Variants in CENPP observed in about 807,000 individuals in gnomAD.
CENPP encodes centromere protein P.
Under a neutral mutation model 35.6 loss-of-function variants are expected in CENPP, and 24 were observed. The ratio of observed to expected loss-of-function variants is 0.67; its 90% confidence interval spans 0.49 to 0.95. The LOEUF is 0.95. Among genes scored for constraint, CENPP ranks in the 40% least tolerant of loss-of-function variants. The probability of loss-of-function intolerance (pLI) is 0.00; values close to 1 mark genes in which losing one functional copy is unlikely to be tolerated. For synonymous variants in CENPP, 120 were observed against 125.5 expected, an observed-to-expected ratio of 0.96 and a Z score of 0.29; for missense variants, 332 against 345.3, an observed-to-expected ratio of 0.96 and a Z score of 0.31.
At chr9:92,549,508 G>A (rs1273102301) in intron 5 of CENPP, among the ~76,000 whole-genome samples, 1 of 152,038 alleles carries the variant, frequency 6.6e-6, no homozygotes, top group Non-Finnish European at 1.5e-5. Context: ...TTAGCTGGGC[G>A]TTGTGGCACA....
chr9:92,559,437 C>A (rs1023731737), intron 5 of CENPP, among the ~76,000 whole-genome samples: 1 of 152,166 alleles, frequency 6.6e-6, no homozygotes, highest in Non-Finnish European at 1.5e-5. Context: ...TCTCCCTTTC[C>A]CACTTCCGCA....
intron 5 of CENPP, among the ~76,000 whole-genome samples, chr9:92,481,314 C>CT (rs1242414981): frequency 6.6e-6 from 1 of 152,152 alleles, no homozygotes; most frequent in Admixed American, 6.5e-5. Context: ...CATCAGGATC[C>CT]TTTTATGTGT....
chr9:92,326,053 C>A lies in CENPP; in HGVS notation c.55C>A (p.Arg19=). ...RALQAEIAAL[R]RACEDPPAPW... ...CTTGCAAGCTGAGATCGCGGCCCTG[C>A]GGCGAGCGTGTGAGGACCCACCGGC... Residue 19 remains arginine (R), a synonymous_variant, in exon 1 of 8, where the codon CGG becomes AGG. Coordinates refer to ENST00000375587, the MANE Select transcript of CENPP (RefSeq NM_001012267.3). 2 of 1,563,920 alleles carry A rather than the reference C, an allele frequency of 1.3e-6. No homozygotes were observed. The highest frequency in any genetic ancestry group is 1.7e-6 in the Non-Finnish European group (2 of 1,155,056).
intron 5 of CENPP, among the ~76,000 whole-genome samples, chr9:92,598,909 A>T (rs527375240): frequency 3.9e-4 from 59 of 152,138 alleles, no homozygotes; most frequent in Non-Finnish European, 6.2e-4. Context: ...GGAGTTCGAG[A>T]TCAGCCTGGC....
chr9:92,609,065 A>G (rs1278619409), intron 5 of CENPP, among the ~76,000 whole-genome samples: 1 of 152,248 alleles, frequency 6.6e-6, no homozygotes, highest in Admixed American at 6.5e-5. Flanking sequence ...TGCAGTTGTG[A>G]TTAATTTGGA....
chr9:92,353,918 C>T (rs1361077913), intron 4 of CENPP, among the ~76,000 whole-genome samples: 1 of 152,066 alleles, frequency 6.6e-6, no homozygotes, highest in Non-Finnish European at 1.5e-5. Context: ...AGAGATTTGC[C>T]CCAGCTTTGC....
intron 5 of CENPP, among the ~76,000 whole-genome samples, chr9:92,472,878 G>A (rs1845578266): frequency 6.6e-6 from 1 of 152,260 alleles, no homozygotes; most frequent in Non-Finnish European, 1.5e-5. Context: ...CTGCAGAAGG[G>A]ATCCTCCTGG....
At chr9:92,469,919 G>A (rs995404887) in intron 5 of CENPP, among the ~76,000 whole-genome samples, 9 of 152,218 alleles carry the variant, frequency 5.9e-5, no homozygotes, top group Admixed American at 5.9e-4. Context: ...CCAGGCTAGA[G>A]TGCAGTGGCA....
chr9:92,456,358 T>C (rs745528718), intron 5 of CENPP: 2 of 152,420 alleles, frequency 1.3e-5, no homozygotes, highest in Non-Finnish European at 2.9e-5. Flanking sequence ...TATTCAGTTA[T>C]ACTAGATGTG....
chr9:92,532,015 G>GATTTTTTTTTTT (rs1848796284), intron 5 of CENPP, among the ~76,000 whole-genome samples: 1 of 95,736 alleles, frequency 1.0e-5, no homozygotes, highest in South Asian at 3.0e-4. Context: ...TTTATTTAAT[G>GATTTTTTTTTTT]TTTTTTTTTT....
chr9:92,602,884 T>G (rs1334856527), intron 5 of CENPP, among the ~76,000 whole-genome samples: 3 of 151,964 alleles, frequency 2.0e-5, no homozygotes, highest in Non-Finnish European at 4.4e-5. Flanking sequence ...TCTGACTCCC[T>G]GGTTCAAGTG....
intron 5 of CENPP, among the ~76,000 whole-genome samples, chr9:92,598,766 T>A: frequency 1.3e-5 from 2 of 148,554 alleles, no homozygotes; most frequent in Non-Finnish European, 1.5e-5. Flanking sequence ...TTTTGAGGAA[T>A]TTTTCCAGCT....
At chr9:92,364,791 A>C (rs924999080) in intron 4 of CENPP, among the ~76,000 whole-genome samples, 1 of 152,220 alleles carries the variant, frequency 6.6e-6, no homozygotes, top group African/African-American at 2.4e-5. Context: ...CCAATGATAC[A>C]TGGTAATTGA....
At chr9:92,555,384 G>C (rs1849704095) in intron 5 of CENPP, among the ~76,000 whole-genome samples, 1 of 151,518 alleles carries the variant, frequency 6.6e-6, no homozygotes, top group African/African-American at 2.4e-5. Context: ...ATACCACCAT[G>C]TCTGGCTGAT....
intron 5 of CENPP, among the ~76,000 whole-genome samples, chr9:92,512,669 G>T (rs1847425233): frequency 6.6e-6 from 1 of 152,078 alleles, no homozygotes; most frequent in Admixed American, 6.5e-5. Context: ...ATCTACAAAG[G>T]TTCCTGTATG....
intron 3 of CENPP, 104 bp from the exon 4 acceptor site, chr9:92,345,595 C>T (rs1841270067): frequency 4.7e-6 from 3 of 643,710 alleles, no homozygotes; most frequent in Non-Finnish European, 8.1e-6. Context: ...CATGATTACT[C>T]TTTCCTTTTA....
At position 92,533,328 on chromosome 9, in the gene CENPP, A is replaced by AAAAAAAAT. The variant is rs1554683138; in HGVS notation, c.565-77985_565-77984insAAAAAATA. Among the ~76,000 whole-genome samples the AAAAAAAAT allele has an allele frequency of 3.4e-4, 13 of 38,334 alleles. 1 individual carries two copies. Among genetic ancestry groups the AAAAAAAAT allele is most frequent in the East Asian group, 7.4e-4 (1 of 1,348 alleles). 25.1% of individuals were successfully genotyped at this position (38,334 alleles called of 152,430 possible). ...CAAAAAAAAAAAAAAAAAAAAAAAA[A>AAAAAAAAT]ATATATATATATATATATATATATA... On this transcript the variant is annotated intron_variant, in intron 5 of 7. Transcript: ENST00000375587.
At chr9:92,443,168 AAT>A (rs1844464867) in intron 5 of CENPP, among the ~76,000 whole-genome samples, 1 of 152,218 alleles carries the variant, frequency 6.6e-6, no homozygotes, top group Non-Finnish European at 1.5e-5. Context: ...ATCCCAAAAG[AAT>A]ATACAAGCAA....
At chr9:92,571,941 G>A (rs1174275060) in intron 5 of CENPP, among the ~76,000 whole-genome samples, 1 of 141,540 alleles carries the variant, frequency 7.1e-6, no homozygotes, top group Admixed American at 7.2e-5. Context: ...CATTTGCTTG[G>A]TAGATCCTTC....
Sources: gnomAD v4.1 joint callset for allele counts (sites outside exome capture counted in the v4.1 genomes callset) on GRCh38, gnomAD v4.1.1 for gene constraint, MANE v1.5 for transcripts, NCBI Gene and HGNC (gene_info 2026-07-23, HGNC 2026-07-21) for gene names.